CP: variants seen among roughly 807,000 people sequenced by gnomAD.
CP encodes ceruloplasmin, also known as caeruloplasmin.
In CP, 64 loss-of-function variants were observed where a neutral mutation model predicts 122.4. That is an observed-to-expected ratio of 0.52 (90% CI 0.43 to 0.64). The LOEUF is 0.64. CP is among the 30% of genes least tolerant of loss of function. CP has a pLI of 0.00. For synonymous variants in CP, 440 were observed against 436.4 expected (o/e 1.01, Z -0.10); for missense variants, 1,167 against 1,284.4 (o/e 0.91, Z 1.40).
At chr3:149,213,578 G>A (rs906820274) in intron 1 of CP, among the ~76,000 whole-genome samples, 1 of 151,940 alleles carries the variant, frequency 6.6e-6, no homozygotes, top group African/African-American at 2.4e-5. Context: ...CCTTTGGCAA[G>A]CCCCTCCACA....
intron 8 of CP, 91 bp from the exon 9 acceptor site, chr3:149,198,669 C>T (rs1323205571): frequency 9.5e-7 from 1 of 1,055,554 alleles, no homozygotes. Context: ...CTAGAATAGC[C>T]CACTTCTGAG....
chr3:149,212,842 T>A, intron 1 of CP, 144 bp from the exon 2 acceptor site: 1 of 985,444 alleles, frequency 1.0e-6, no homozygotes, highest in Non-Finnish European at 1.5e-6. Context: ...GCCTCCAAAA[T>A]TGAAGTGGAG....
intron 10 of CP, among the ~76,000 whole-genome samples, 177 bp from the exon 11 acceptor site, chr3:149,186,909 AG>A (rs1448181546): frequency 6.6e-5 from 10 of 152,308 alleles, no homozygotes; most frequent in African/African-American, 2.4e-4. Flanking sequence ...GGCATTTCAG[AG>A]CAGCCGCTGG....
rs763429281 is a variant in CP, at chr3:149,199,782, C to A, written c.1431G>T (p.Pro477=). Residue 477 remains proline (P), a synonymous_variant, in exon 8 of 19, where the codon CCG becomes CCT. Transcript: ENST00000264613. ...TGTTCTTATTGAATCTCACCCCAAT[C>A]GGCTCAATACTGAGGGGATATGCTC... ...NKGAYPLSIE[P]IGVRFNKNNE... 5.0e-6 allele frequency: 8 copies of A among 1,614,014 alleles called. No homozygotes were observed. The Admixed American group carries it at 6.7e-5, about 13-fold the overall frequency.
intron 15 of CP, 52 bp from the exon 16 acceptor site, chr3:149,178,683 A>G (rs756182727): frequency 1.5e-6 from 2 of 1,320,364 alleles, no homozygotes; most frequent in South Asian, 2.5e-5. Context: ...TCAGGATTTC[A>G]GAGAACTGAG....
chr3:149,175,698 C>A (rs1268963656), intron 18 of CP, among the ~76,000 whole-genome samples: 2 of 90,378 alleles, frequency 2.2e-5, no homozygotes. Flanking sequence ...TGTACCTACA[C>A]ATGGGGAGGG....
At chr3:149,175,529 T>C (rs1179499211) in intron 18 of CP, among the ~76,000 whole-genome samples, 1 of 152,186 alleles carries the variant, frequency 6.6e-6, no homozygotes, top group East Asian at 1.9e-4. Flanking sequence ...TGGTTTTCTT[T>C]ACATAATTTC....
In CP at chr3:149,188,077, G is replaced by A. The variant is rs139584434; in HGVS notation, c.1839C>T (p.Asp613=). The change falls in exon 10 of 19, where the codon GAC becomes GAT. Residue 613 remains aspartate (D), a synonymous_variant. Coordinates refer to ENST00000264613, the MANE Select transcript of CP (RefSeq NM_000096.4). Reference sequence around the variant, plus strand: ...AGTGCATTTTATTAGATTCCTGAAAGTCTTCATCTTCCTTATCCACCTGAT... The same window carrying A: ...AGTGCATTTTATTAGATTCCTGAAAATCTTCATCTTCCTTATCCACCTGAT... ...APDQVDKEDE[D]FQESNKMHSM... 1 of 1,611,758 alleles carries A rather than the reference G, an allele frequency of 6.2e-7. No individual in the cohort carries two copies. Among genetic ancestry groups the A allele is most frequent in the African/African-American group, 1.3e-5 (1 of 74,830 alleles).
chr3:149,167,322 G>T, intron 4 of CP: 1 of 1,103,392 alleles, frequency 9.1e-7, no homozygotes, highest in South Asian at 1.3e-5. Flanking sequence ...TGCAAAATGG[G>T]GACAATTTAT....
chr3:149,162,454 A>G lies in CP; in HGVS notation c.*435T>C, dbSNP rs763389800. Reference sequence around the variant, plus strand: ...TTTATTGAAAAAACAGACATACATAATCAGTTTATAAGATAAAAGTACTAA... The same window carrying G: ...TTTATTGAAAAAACAGACATACATAGTCAGTTTATAAGATAAAAGTACTAA... On this transcript the variant is annotated 3_prime_UTR_variant, in exon 6 of 6. Transcript: ENST00000479771. The G allele has an allele frequency of 1.2e-5, 12 of 966,326 alleles. No individual in the cohort carries two copies. In the South Asian group the frequency reaches 1.5e-4, roughly 12 times the overall value. 59.9% of individuals were successfully genotyped at this position (966,326 alleles called of 1,614,324 possible). A position where few individuals can be genotyped will look rare whatever the true frequency, so the allele number is the denominator to read the frequency against.
chr3:149,192,601 T>C (rs185101719), intron 9 of CP, among the ~76,000 whole-genome samples: 16 of 150,620 alleles, frequency 1.1e-4, no homozygotes, highest in African/African-American at 3.2e-4. Context: ...AATAATGGAA[T>C]ATGAAAAAAC....
intron 9 of CP, among the ~76,000 whole-genome samples, chr3:149,192,669 A>G (rs1316262333): frequency 6.8e-6 from 1 of 147,444 alleles, no homozygotes; most frequent in Non-Finnish European, 1.5e-5. Flanking sequence ...TGTATGTAGT[A>G]TACACACACA....
At position 149,199,715 on chromosome 3, in the gene CP, T is replaced by C; in HGVS notation, c.1498A>G (p.Arg500Gly). Residue 500 changes from arginine (R) to glycine (G), a missense_variant, in exon 8 of 19, where the codon AGA becomes GGA. By Grantham distance (125) the Arg-to-Gly change is moderately radical. Coordinates refer to ENST00000264613, the MANE Select transcript of CP (RefSeq NM_000096.4). ...YYSPNYNPQS[R>G]SVPPSASHVA... ...TTACACAGTGCTGTATACTCACTTC[T>C]GCTCTGGGGGTTGTAATTTGGGGAA... 1 of 1,614,116 alleles carries C rather than the reference T, an allele frequency of 6.2e-7. No homozygotes were observed. The highest frequency in any genetic ancestry group is 8.5e-7 in the Non-Finnish European group (1 of 1,180,008).
chr3:149,216,370 G>T (rs1363633247), intron 1 of CP, among the ~76,000 whole-genome samples: 1 of 152,154 alleles, frequency 6.6e-6, no homozygotes, highest in African/African-American at 2.4e-5. Context: ...TAAAATCCTT[G>T]TTTGCTTGCT....
chr3:149,166,402 T>A (rs1182265098), intron 4 of CP, among the ~76,000 whole-genome samples: 2 of 152,196 alleles, frequency 1.3e-5, no homozygotes, highest in African/African-American at 4.8e-5. Context: ...TGTTGTCCCA[T>A]CCTGTGTGCT....
At chr3:149,185,907 A>ATT (rs1466203618) in intron 11 of CP, among the ~76,000 whole-genome samples, 1 of 152,082 alleles carries the variant, frequency 6.6e-6, no homozygotes, top group African/African-American at 2.4e-5. Flanking sequence ...TCATTGTTGT[A>ATT]TTTACATTTG....
chr3:149,196,461 C>T (rs1288791185), intron 9 of CP, among the ~76,000 whole-genome samples: 1 of 151,860 alleles, frequency 6.6e-6, no homozygotes, highest in African/African-American at 2.4e-5. Context: ...GGTTCCAAAT[C>T]CTCACCAAAA....
At chr3:149,187,971 C>T (rs1373876882) in intron 10 of CP, 81 bp downstream of exon 10, 19 of 1,448,940 alleles carry the variant, frequency 1.3e-5, no homozygotes, top group Non-Finnish European at 1.7e-5. Flanking sequence ...GAGCAAAGCT[C>T]TTCACATTTT....
intron 5 of CP, among the ~76,000 whole-genome samples, 156 bp downstream of exon 5, chr3:149,207,207 C>CT (rs894214759): frequency 5.3e-5 from 8 of 152,194 alleles, no homozygotes; most frequent in Admixed American, 4.6e-4. Flanking sequence ...GTCTTACAGT[C>CT]TTTTTTTATT....
Sources: gnomAD v4.1 joint callset for allele counts (sites outside exome capture counted in the v4.1 genomes callset) on GRCh38, gnomAD v4.1.1 for gene constraint, MANE v1.5 for transcripts, NCBI Gene and HGNC (gene_info 2026-07-23, HGNC 2026-07-21) for gene names.